Variants in CIP2A observed in about 807,000 individuals in gnomAD.
CIP2A encodes cellular inhibitor of PP2A.
Under a neutral mutation model 110.9 loss-of-function variants are expected in CIP2A, and 103 were observed. The ratio of observed to expected loss-of-function variants is 0.93; its 90% CI spans 0.79 to 1.09. The LOEUF is 1.09. Among genes scored for constraint, CIP2A ranks in the 50% least tolerant of loss-of-function variants. The pLI is 0.00. For synonymous variants in CIP2A, 381 were observed against 361.6 expected (o/e 1.05, Z -0.61); for missense variants, 1,088 against 1,038.4 (o/e 1.05, Z -0.66).
Position 108,568,183 on chromosome 3 carries a change from C to G in CIP2A, c.1245G>C (p.Arg415Ser). Residue 415 changes from arginine (R) to serine (S), a missense_variant, in exon 10 of 21, where the codon AGG becomes AGC. Coordinates refer to ENST00000295746, the MANE Select transcript of CIP2A (RefSeq NM_020890.3). ...ACAAAACTTCAATGGCCTTGGCAAT[C>G]CTTTCACATTTTTTTCTTGTTAAAG... ...DEALTRKKCE[R>S]IAKAIEVLLT... 1.2e-6 allele frequency: 2 copies of G among 1,612,016 alleles called. No homozygotes were observed. The highest frequency in any genetic ancestry group is 1.7e-6 in the Non-Finnish European group (2 of 1,178,634).
chr3:108,567,939 T>TA (rs1334666690), intron 10 of CIP2A, among the ~76,000 whole-genome samples: 3 of 151,994 alleles, frequency 2.0e-5, no homozygotes, highest in Non-Finnish European at 4.4e-5. Flanking sequence ...TACTTTAACT[T>TA]AAAAGTTTCA....
Position 108,553,714 on chromosome 3 carries a change from T to C in CIP2A, c.2341A>G (p.Ile781Val), listed in dbSNP as rs757516656. The change falls in exon 19 of 21, where the codon ATA becomes GTA. Residue 781 changes from isoleucine (I) to valine (V), a missense_variant. Coordinates refer to ENST00000295746, the MANE Select transcript of CIP2A (RefSeq NM_020890.3). ...EQNEKSIAQL[I>V]EKEEQRKEVQ... Reference sequence around the variant, plus strand: ...TCTTTTCTCTGTTCTTCTTTCTCTATTAATTGGGCAATACTTCTGAAGTTA... The same window carrying C: ...TCTTTTCTCTGTTCTTCTTTCTCTACTAATTGGGCAATACTTCTGAAGTTA... The C allele has an allele frequency of 2.0e-6, 3 of 1,475,282 alleles. No individual in the cohort carries two copies. Among genetic ancestry groups the C allele is most frequent in the South Asian group, 2.3e-5 (2 of 87,954 alleles). The allele number at this position is 1,475,282 out of a possible 1,614,324, so 91.4% of individuals were successfully genotyped here. A position where few individuals can be genotyped will look rare whatever the true frequency, so the allele number is the denominator to read the frequency against.
chr3:108,566,730 CT>C (rs1938201181), intron 10 of CIP2A, 92 bp from the exon 11 acceptor site: 3 of 736,306 alleles, frequency 4.1e-6, no homozygotes, highest in African/African-American at 1.8e-5. Flanking sequence ...TATATCATCA[CT>C]GTCATCCAGT....
Position 108,557,221 on chromosome 3 carries a change from T to G in CIP2A, c.2207A>C (p.Gln736Pro). 6.3e-7 allele frequency: 1 copy of G among 1,579,722 alleles called. No homozygotes were observed. The highest frequency in any genetic ancestry group is 8.7e-7 in the Non-Finnish European group (1 of 1,155,480). Residue 736 changes from glutamine to proline, a missense_variant, in exon 17 of 21, where the codon CAG (glutamine) becomes CCG (proline). Transcript: ENST00000295746. ...CAGAAGATTTTACTTTATTTACCTC[T>G]GAAGAAGTTCCATGTAGGATTTTGT... is the stretch of plus-strand genomic sequence containing the variant. ...ILTKSYMELL[Q>P]RNESTEKKNK...
chr3:108,577,639 C>T (rs1218742231), intron 7 of CIP2A, among the ~76,000 whole-genome samples: 1 of 152,122 alleles, frequency 6.6e-6, no homozygotes, highest in East Asian at 1.9e-4. Flanking sequence ...CAGCTCATGC[C>T]TGTAATCCCA....
intron 11 of CIP2A, among the ~76,000 whole-genome samples, chr3:108,565,841 T>C (rs1418724525): frequency 3.3e-5 from 5 of 151,790 alleles, no homozygotes; most frequent in Admixed American, 1.3e-4. Flanking sequence ...CACTAGGTCA[T>C]GTTCTGAGTT....
chr3:108,569,668 G>A, intron 8 of CIP2A, 61 bp from the exon 9 acceptor site: 2 of 1,249,368 alleles, frequency 1.6e-6, no homozygotes, highest in Non-Finnish European at 2.3e-6. Flanking sequence ...TACAAAGCAA[G>A]TGTATGATGA....
chr3:108,584,980 T>C (rs749054002), intron 2 of CIP2A, 85 bp downstream of exon 2: 121 of 1,275,592 alleles, frequency 9.5e-5, no homozygotes, highest in Non-Finnish European at 1.2e-4. Context: ...AATCATTCTT[T>C]AAGAGATTCT....
intron 8 of CIP2A, among the ~76,000 whole-genome samples, chr3:108,575,889 T>TATATACACGTATATATACTCATATAC (rs71103480): frequency 2.1e-5 from 1 of 46,546 alleles, no homozygotes; most frequent in African/African-American, 6.2e-5. Context: ...TATACATGTG[T>TATATACACGTATATATACTCATATAC]ATGAGTATAT....
intron 1 of CIP2A, among the ~76,000 whole-genome samples, chr3:108,586,640 A>G (rs1402599188): frequency 6.6e-6 from 1 of 152,210 alleles, no homozygotes; most frequent in Non-Finnish European, 1.5e-5. Context: ...TTTCATCTTC[A>G]TAATAACTCT....
intron 12 of CIP2A, among the ~76,000 whole-genome samples, chr3:108,564,876 G>C (rs532923668): frequency 1.1e-4 from 16 of 151,934 alleles, no homozygotes; most frequent in African/African-American, 3.6e-4. Flanking sequence ...ATAACAGCTA[G>C]AGATCATATT....
At chr3:108,576,175 T>C in intron 8 of CIP2A, 96 bp downstream of exon 8, 1 of 667,642 alleles carries the variant, frequency 1.5e-6, no homozygotes, top group Non-Finnish European at 2.6e-6. Context: ...TACAGAAATC[T>C]GTGCATTTGG....
intron 14 of CIP2A, 151 bp from the exon 15 acceptor site, chr3:108,560,179 TC>T: frequency 8.7e-6 from 5 of 576,260 alleles, no homozygotes; most frequent in South Asian, 2.3e-5. Flanking sequence ...CACAAATATT[TC>T]TTTTTTTTTT....
At chr3:108,586,992 T>C (rs900675613) in intron 1 of CIP2A, among the ~76,000 whole-genome samples, 1 of 152,126 alleles carries the variant, frequency 6.6e-6, no homozygotes, top group Non-Finnish European at 1.5e-5. Flanking sequence ...CCATTAAAAA[T>C]ACAAATACTG....
At chr3:108,588,168 A>C (rs1440774601) in intron 1 of CIP2A, among the ~76,000 whole-genome samples, 1 of 152,242 alleles carries the variant, frequency 6.6e-6, no homozygotes, top group Non-Finnish European at 1.5e-5. Flanking sequence ...TTTTTAAATT[A>C]AACGGACTGC....
At chr3:108,585,905 T>TAC (rs112253293) in intron 1 of CIP2A, 5,490 of 378,360 alleles carry the variant, frequency 0.015, 165 homozygotes, top group African/African-American at 0.076. Flanking sequence ...GACACATACA[T>TAC]ACACACACAC....
Position 108,569,496 on chromosome 3 carries a change from T to G in CIP2A, c.1006A>C (p.Lys336Gln), listed in dbSNP as rs1371245511. The part of the protein sequence containing the change: ...PGSATLGSHT[K>Q]CLEPTVALLR... ...AGAGCCACAGTAGGTTCTAAACATT[T>G]AGTATGGCTTCCCAGAGTGGCGCTG... is the stretch of plus-strand genomic sequence containing the variant. Residue 336 changes from lysine to glutamine, a missense_variant, in exon 9 of 21, where the codon AAA becomes CAA. By Grantham distance (53) the Lys-to-Gln change is moderately conservative (BLOSUM62 1). Transcript: ENST00000295746. The G allele has an allele frequency of 1.2e-6, 2 of 1,612,856 alleles. No homozygotes were observed. The highest frequency in any genetic ancestry group is 2.7e-5 in the African/African-American group (2 of 74,906).
chr3:108,554,068 G>A (rs528812351), intron 18 of CIP2A, among the ~76,000 whole-genome samples: 5 of 151,794 alleles, frequency 3.3e-5, no homozygotes, highest in African/African-American at 1.2e-4. Context: ...GCTAATTTTT[G>A]TATTTTCAGT....
At chr3:108,570,716 T>C (rs1297717924) in intron 8 of CIP2A, among the ~76,000 whole-genome samples, 1 of 152,124 alleles carries the variant, frequency 6.6e-6, no homozygotes, top group African/African-American at 2.4e-5. Context: ...AGTTAATGAC[T>C]GAGTAGTGAG....
Sources: gnomAD v4.1 joint callset for allele counts (sites outside exome capture counted in the v4.1 genomes callset) on GRCh38, gnomAD v4.1.1 for gene constraint, MANE v1.5 for transcripts, NCBI Gene and HGNC (gene_info 2026-07-23, HGNC 2026-07-21) for gene names.